The following DPP10 variants were observed in gnomAD, a reference collection of about 807,000 sequenced individuals.
DPP10 encodes dipeptidyl peptidase like 10, also known as inactive dipeptidyl peptidase 10.
DPP10 carries 33 observed loss-of-function variants against 120.9 expected under a neutral mutation model. The observed-to-expected ratio is 0.27, with a 90% CI of 0.21 to 0.37. The LOEUF is 0.37. DPP10 is among the 10% of genes least tolerant of loss of function. The pLI, the probability that DPP10 is intolerant of heterozygous loss-of-function variation, is 1.00. For missense variants in DPP10, 816 were observed against 942.8 expected, an observed-to-expected ratio of 0.87 and a Z score of 1.76; for synonymous variants, 337 against 326.1, an observed-to-expected ratio of 1.03 and a Z score of -0.36.
At chr2:114,574,401 T>C (rs1162723663) in intron 1 of DPP10, among the ~76,000 whole-genome samples, 3 of 152,136 alleles carry the variant, frequency 2.0e-5, no homozygotes, top group African/African-American at 7.2e-5. Flanking sequence ...TAAAGACCCG[T>C]CATTATGAAA....
intron 1 of DPP10, among the ~76,000 whole-genome samples, chr2:115,065,958 A>G (rs1432914383): frequency 6.6e-6 from 1 of 152,202 alleles, no homozygotes; most frequent in African/African-American, 2.4e-5. Context: ...TTGCAGAGCT[A>G]TTGCCTGCTA....
intron 1 of DPP10, among the ~76,000 whole-genome samples, chr2:115,014,498 C>A (rs1702492277): frequency 6.6e-6 from 1 of 151,894 alleles, no homozygotes; most frequent in Non-Finnish European, 1.5e-5. Flanking sequence ...AAGATCAGAG[C>A]AGAACTGAAG....
intron 1 of DPP10, among the ~76,000 whole-genome samples, chr2:114,591,874 A>G (rs1158415117): frequency 6.6e-6 from 1 of 152,102 alleles, no homozygotes; most frequent in Non-Finnish European, 1.5e-5. Flanking sequence ...TGTTGACTTT[A>G]TACAGCTACA....
At chr2:115,805,526 G>T (rs6705438) in intron 19 of DPP10, among the ~76,000 whole-genome samples, 1 of 150,690 alleles carries the variant, frequency 6.6e-6, no homozygotes, top group African/African-American at 2.4e-5. Context: ...CGTGGCTCAG[G>T]CAGGGAGCTG....
chr2:114,914,030 AT>A (rs1334282352), intron 1 of DPP10, among the ~76,000 whole-genome samples: 2 of 152,204 alleles, frequency 1.3e-5, no homozygotes, highest in African/African-American at 4.8e-5. Context: ...AATTAAAAAA[AT>A]AATTTTAAAA....
At position 114,976,455 on chromosome 2, in the gene DPP10, G is replaced by C. The variant is rs144651360; in HGVS notation, c.61-332784G>C. On this transcript the variant is annotated intron_variant, in intron 1 of 25. Transcript: ENST00000410059. ...GGTAATTTTTTCCCAAGAAAAATGT[G>C]AGTGCAATATTCCTCGAAGGCTTTT... Among the ~76,000 whole-genome samples, 5 of 152,270 alleles carry C rather than the reference G, an allele frequency of 3.3e-5. No homozygotes were observed. The East Asian group carries it at 9.6e-4, about 29-fold the overall frequency.
chr2:114,889,496 T>C (rs1278205969), intron 1 of DPP10, among the ~76,000 whole-genome samples: 1 of 151,884 alleles, frequency 6.6e-6, no homozygotes, highest in East Asian at 1.9e-4. Context: ...CACTTGGGCT[T>C]ACCATTGTCA....
At chr2:115,312,087 A>G (rs1284352940) in intron 2 of DPP10, among the ~76,000 whole-genome samples, 1 of 152,132 alleles carries the variant, frequency 6.6e-6, no homozygotes, top group Non-Finnish European at 1.5e-5. Flanking sequence ...CAGTTTACCA[A>G]GTGCATTTCA....
chr2:115,105,836 T>C (rs780630656), intron 1 of DPP10, among the ~76,000 whole-genome samples: 10 of 152,246 alleles, frequency 6.6e-5, no homozygotes, highest in Non-Finnish European at 1.5e-4. Flanking sequence ...GTTTGTTGTT[T>C]CTTTTTAATT....
At chr2:115,131,095 A>G (rs1573724741) in intron 1 of DPP10, 1 of 152,248 alleles carries the variant, frequency 6.6e-6, no homozygotes, top group African/African-American at 2.4e-5. Flanking sequence ...AAAGCAAGGA[A>G]GGGCTCCTGA....
At chr2:114,453,047 T>C (rs1678374183) in intron 1 of DPP10, among the ~76,000 whole-genome samples, 1 of 151,920 alleles carries the variant, frequency 6.6e-6, no homozygotes, top group African/African-American at 2.4e-5. Context: ...GTGGAGAAAA[T>C]AGAAAAGTAG....
At chr2:115,204,313 C>A (rs1056470374) in intron 1 of DPP10, among the ~76,000 whole-genome samples, 1 of 152,022 alleles carries the variant, frequency 6.6e-6, no homozygotes, top group Non-Finnish European at 1.5e-5. Context: ...TAAATATGCA[C>A]AAAGAATAGG....
chr2:115,710,024 G>A (rs549471616), intron 7 of DPP10, among the ~76,000 whole-genome samples: 1 of 152,146 alleles, frequency 6.6e-6, no homozygotes, highest in African/African-American at 2.4e-5. Context: ...AGAAACTGTG[G>A]AAGTGAACAG....
intron 5 of DPP10, among the ~76,000 whole-genome samples, chr2:115,681,455 G>A (rs1384256820): frequency 6.6e-6 from 1 of 151,674 alleles, no homozygotes; most frequent in Admixed American, 6.6e-5. Context: ...TCATTTTAAG[G>A]ATTTTCTATC....
chr2:115,511,088 T>A (rs2077200386), intron 4 of DPP10, among the ~76,000 whole-genome samples: 4 of 152,282 alleles, frequency 2.6e-5, no homozygotes, highest in African/African-American at 7.2e-5. Flanking sequence ...TGTCTGGTTT[T>A]GATATCAAGA....
chr2:115,012,591 A>T (rs897214117), intron 1 of DPP10, among the ~76,000 whole-genome samples: 4 of 152,126 alleles, frequency 2.6e-5, no homozygotes, highest in Admixed American at 2.6e-4. Flanking sequence ...AAAAAGTATC[A>T]CTATAGTTTG....
intron 1 of DPP10, among the ~76,000 whole-genome samples, chr2:114,948,021 T>C (rs981792610): frequency 6.6e-6 from 1 of 152,104 alleles, no homozygotes; most frequent in African/African-American, 2.4e-5. Flanking sequence ...CCTTCAAATA[T>C]TCTTCTCTTT....
intron 1 of DPP10, among the ~76,000 whole-genome samples, chr2:114,521,052 A>G (rs568763680): frequency 1.3e-5 from 2 of 152,258 alleles, no homozygotes; most frequent in African/African-American, 4.8e-5. Flanking sequence ...CTAAAACAAG[A>G]CCCATAGAGT....
intron 1 of DPP10, among the ~76,000 whole-genome samples, chr2:114,686,214 G>A (rs1398781164): frequency 6.6e-6 from 1 of 151,924 alleles, no homozygotes; most frequent in Non-Finnish European, 1.5e-5. Flanking sequence ...TCTGAGCTAA[G>A]TGACTGAAAA....
Sources: gnomAD v4.1 joint callset for allele counts (sites outside exome capture counted in the v4.1 genomes callset) on GRCh38, gnomAD v4.1.1 for gene constraint, MANE v1.5 for transcripts, NCBI Gene and HGNC (gene_info 2026-07-23, HGNC 2026-07-21) for gene names.